The following PLPBP variants were observed in gnomAD, a reference collection of about 807,000 sequenced individuals.
The protein encoded by PLPBP is pyridoxal phosphate homeostasis protein.
PLPBP carries 21 observed loss-of-function variants against 31.2 expected under a neutral mutation model. The ratio of observed to expected loss-of-function variants is 0.67; its 90% confidence interval spans 0.48 to 0.97. The LOEUF (loss-of-function observed/expected upper bound fraction) is 0.97, where lower values mean the gene tolerates loss of function less well. PLPBP is among the 50% of genes least tolerant of loss of function. The pLI, the probability that PLPBP is intolerant of heterozygous loss-of-function variation, is 0.00. For missense variants in PLPBP, 308 were observed against 354.4 expected, an observed-to-expected ratio of 0.87 and a Z score of 1.05; for synonymous variants, 124 against 135.6, an observed-to-expected ratio of 0.91 and a Z score of 0.59.
intron 4 of PLPBP, among the ~76,000 whole-genome samples, chr8:37,770,554 G>A (rs1803743897): frequency 6.6e-6 from 1 of 152,158 alleles, no homozygotes; most frequent in African/African-American, 2.4e-5. Flanking sequence ...AACTCTCCAA[G>A]ACATTAGTCT....
chr8:37,768,794 G>A (rs887905018), intron 4 of PLPBP, among the ~76,000 whole-genome samples: 3 of 151,978 alleles, frequency 2.0e-5, no homozygotes, highest in African/African-American at 4.8e-5. Flanking sequence ...CATTAATAAC[G>A]AATGATGTTG....
At chr8:37,774,793 G>T (rs1437046192) in intron 5 of PLPBP, 1 of 152,268 alleles carries the variant, frequency 6.6e-6, no homozygotes, top group African/African-American at 2.4e-5. Context: ...CCTAATAAAT[G>T]GGGGCAAGAC....
chr8:37,768,465 CTTTTTTTTTTTTT>C (rs903134254), intron 4 of PLPBP, among the ~76,000 whole-genome samples: 38 of 76,830 alleles, frequency 4.9e-4, no homozygotes, highest in Non-Finnish European at 7.2e-4. Context: ...TTTTGATTTT[CTTTTTTTTTTTTT>C]TTTTTTTTTT....
chr8:37,765,011 A>C (rs925052542), intron 1 of PLPBP, among the ~76,000 whole-genome samples: 2 of 152,162 alleles, frequency 1.3e-5, no homozygotes, highest in Admixed American at 6.5e-5. Flanking sequence ...TCTCTACTAA[A>C]AATACAGAAT....
At chr8:37,777,660 A>G (rs1253617896) in intron 7 of PLPBP, among the ~76,000 whole-genome samples, 1 of 151,594 alleles carries the variant, frequency 6.6e-6, no homozygotes, top group African/African-American at 2.4e-5. Context: ...CGCAACCTCC[A>G]CCTCCTGGGT....
chr8:37,776,115 A>G, intron 7 of PLPBP, 99 bp downstream of exon 7: 1 of 1,098,782 alleles, frequency 9.1e-7, no homozygotes, highest in Non-Finnish European at 1.4e-6. Context: ...AGCCTTGGAA[A>G]TGCCTTGGGA....
rs1803976202 is a variant in PLPBP, at chr8:37,778,502, CT to C, written c.*399del. ...TAGGAAAATTCCTTATGGTTAACAT[CT>C]CCCTACAAACTCCTACTACGTCGTC... On this transcript the variant is annotated 3_prime_UTR_variant, in exon 8 of 8. Transcript: ENST00000328195. 6.3e-6 allele frequency: 1 copy of C among 158,174 alleles called. No individual in the cohort carries two copies. Among genetic ancestry groups the C allele is most frequent in the Admixed American group, 6.2e-5 (1 of 16,088 alleles). 9.8% of individuals were successfully genotyped at this position (158,174 alleles called of 1,614,324 possible). A position where few individuals can be genotyped will look rare whatever the true frequency, so the allele number is the denominator to read the frequency against.
At position 37,766,321 on chromosome 8, in the gene PLPBP, C is replaced by T. The variant is rs1197479044; in HGVS notation, c.285C>T (p.Gly95=). The change falls in exon 4 of 8, where the codon GGC becomes GGT. Residue 95 remains glycine (G), a synonymous_variant. Transcript: ENST00000328195. ...CTGAGATCAAATGGCACTTCATTGG[C>T]CACCTACAGAAACAAAATGTCAACA... ...LCPEIKWHFI[G]HLQKQNVNKL... 2 of 1,609,098 alleles carry T rather than the reference C, an allele frequency of 1.2e-6. No individual in the cohort carries two copies. The highest frequency in any genetic ancestry group is 1.7e-6 in the Non-Finnish European group (2 of 1,177,756).
rs1563329203 is a variant in PLPBP, at chr8:37,779,001, G to A, written c.*897G>A. The A allele has an allele frequency of 6.6e-6, 1 of 151,512 alleles. No individual in the cohort carries two copies. Among genetic ancestry groups the A allele is most frequent in the Non-Finnish European group, 1.5e-5 (1 of 67,970 alleles). 9.4% of individuals were successfully genotyped at this position (151,512 alleles called of 1,614,324 possible). Reference sequence around the variant, plus strand: ...CATAGATGCTGTCACATTTCTTAAAGCAACCTTTTAATATGCAGATAATAC... The same window carrying A: ...CATAGATGCTGTCACATTTCTTAAAACAACCTTTTAATATGCAGATAATAC... On this transcript the variant is annotated 3_prime_UTR_variant, in exon 8 of 8. Transcript: ENST00000328195.
intron 4 of PLPBP, chr8:37,766,635 A>G: frequency 9.5e-7 from 1 of 1,053,850 alleles, no homozygotes; most frequent in Non-Finnish European, 1.2e-6. Flanking sequence ...ATTGTAGCCC[A>G]TAAATTTTTT....
intron 7 of PLPBP, among the ~76,000 whole-genome samples, chr8:37,777,531 C>T (rs1803944659): frequency 6.6e-6 from 1 of 152,070 alleles, no homozygotes; most frequent in African/African-American, 2.4e-5. Context: ...ATCCTGAAGC[C>T]ATCTTCAGCT....
At chr8:37,762,800 G>T in intron 1 of PLPBP, 42 bp downstream of exon 1, 1 of 1,531,312 alleles carries the variant, frequency 6.5e-7, no homozygotes, top group East Asian at 2.4e-5. Context: ...CGGCCGCCTT[G>T]AGAAGAGGGA....
intron 7 of PLPBP, 125 bp downstream of exon 7, chr8:37,776,141 C>A (rs1803902528): frequency 2.3e-6 from 2 of 853,810 alleles, no homozygotes; most frequent in African/African-American, 1.7e-5. Context: ...GTAAGGTACC[C>A]AGTGTCAGCT....
At chr8:37,771,419 C>A (rs764020468) in intron 4 of PLPBP, among the ~76,000 whole-genome samples, 5 of 151,720 alleles carry the variant, frequency 3.3e-5, no homozygotes, top group Admixed American at 6.6e-5. Context: ...GGATTACAGG[C>A]GTGAGCCACA....
rs1264643245 is a variant in PLPBP, at chr8:37,778,296, T to C, written c.*192T>C. The C allele has an allele frequency of 5.6e-6, 3 of 533,120 alleles. No individual in the cohort carries two copies. Among genetic ancestry groups the C allele is most frequent in the Non-Finnish European group, 9.3e-6 (3 of 322,984 alleles). The allele number at this position is 533,120 out of a possible 1,614,324, so 33.0% of individuals were successfully genotyped here. A position where few individuals can be genotyped will look rare whatever the true frequency, so the allele number is the denominator to read the frequency against. ...TCAGGCAATGGCTTTGGATTGAGTT[T>C]GAGAAATTCAAACATTTCTGCAGAA... On this transcript the variant is annotated 3_prime_UTR_variant, in exon 8 of 8. Transcript: ENST00000328195.
intron 1 of PLPBP, among the ~76,000 whole-genome samples, chr8:37,763,703 ACTCT>A (rs1563322836): frequency 6.6e-6 from 1 of 151,956 alleles, no homozygotes. Context: ...TGTTCGGGTA[ACTCT>A]CTGGAAAGCG....
chr8:37,762,734 G>C lies in PLPBP; in HGVS notation c.75G>C (p.Gln25His), dbSNP rs1803512696. 2 of 1,581,918 alleles carry C rather than the reference G, an allele frequency of 1.3e-6. No individual in the cohort carries two copies. Among genetic ancestry groups the C allele is most frequent in the Admixed American group, 1.8e-5 (1 of 55,890 alleles). The change falls in exon 1 of 8, where the codon CAG becomes CAC. Residue 25 changes from glutamine (Q) to histidine (H), a missense_variant. Physicochemically the swap from Gln to His is conservative, Grantham distance 24 (BLOSUM62 0). Transcript: ENST00000328195. ...CALRAVNERV[Q>H]QAVARRPRDL... ...TGCGGGCGGTGAACGAGCGCGTGCAGCAGGCTGTGGCGCGGCGGCCGCGGG... is the reference window on the plus strand; with the variant it reads ...TGCGGGCGGTGAACGAGCGCGTGCACCAGGCTGTGGCGCGGCGGCCGCGGG...
intron 5 of PLPBP, chr8:37,775,110 G>T: frequency 2.6e-6 from 1 of 379,332 alleles, no homozygotes; most frequent in Non-Finnish European, 4.7e-6. Flanking sequence ...TGAGATGGAG[G>T]AAAGAGAATC....
Position 37,776,010 on chromosome 8 carries a change from G to A in PLPBP, c.690G>A (p.Gln230=), listed in dbSNP as rs756146387. 4.3e-6 allele frequency: 7 copies of A among 1,613,390 alleles called. No individual in the cohort carries two copies. The highest frequency in any genetic ancestry group is 5.1e-6 in the Non-Finnish European group (6 of 1,179,714). ...GCATGGGCATGTCCGCGGATTTCCAGCATGCGGTGAGTGTCCTGCCAGTGC... is the reference window on the plus strand; with the variant it reads ...GCATGGGCATGTCCGCGGATTTCCAACATGCGGTGAGTGTCCTGCCAGTGC... ...ELSMGMSADF[Q]HAVEVGSTNV... The change falls in exon 7 of 8, where the codon CAG becomes CAA. Residue 230 remains glutamine (Q), a synonymous_variant. Transcript: ENST00000328195.
Sources: gnomAD v4.1 joint callset for allele counts (sites outside exome capture counted in the v4.1 genomes callset) on GRCh38, gnomAD v4.1.1 for gene constraint, MANE v1.5 for transcripts, NCBI Gene and HGNC (gene_info 2026-07-23, HGNC 2026-07-21) for gene names.